The following CHST11 variants were observed in gnomAD, a reference collection of about 807,000 sequenced individuals.
The protein encoded by CHST11 is C4S-1.
CHST11 carries 9 observed loss-of-function variants against 30.4 expected under a neutral mutation model. The ratio of observed to expected loss-of-function variants is 0.30; its 90% CI spans 0.18 to 0.52. The LOEUF (loss-of-function observed/expected upper bound fraction) is 0.52, where lower values mean the gene tolerates loss of function less well. Among genes scored for constraint, CHST11 ranks in the 20% least tolerant of loss-of-function variants. The pLI, the probability that CHST11 is intolerant of heterozygous loss-of-function variation, is 0.97. For missense variants in CHST11, 348 were observed against 460.6 expected (o/e 0.76, Z 2.24); for synonymous variants, 152 against 187.8 (o/e 0.81, Z 1.56).
intron 2 of CHST11, among the ~76,000 whole-genome samples, chr12:104,655,414 C>T (rs1285249970): frequency 2.6e-5 from 4 of 152,242 alleles, no homozygotes; most frequent in Admixed American, 2.6e-4. Context: ...CACCACTGCT[C>T]TCACTCCCCC....
intron 2 of CHST11, among the ~76,000 whole-genome samples, chr12:104,657,559 G>A (rs1462591296): frequency 1.3e-5 from 2 of 151,880 alleles, no homozygotes; most frequent in East Asian, 1.9e-4. Flanking sequence ...GGCCAGCCCC[G>A]CTCCCATGTT....
At chr12:104,477,243 A>C (rs980532674) in intron 1 of CHST11, among the ~76,000 whole-genome samples, 2 of 152,160 alleles carry the variant, frequency 1.3e-5, no homozygotes, top group Admixed American at 1.3e-4. Flanking sequence ...CAGCCTGGCG[A>C]GGAGAACTGG....
At chr12:104,613,066 T>G (rs2039074487) in intron 2 of CHST11, among the ~76,000 whole-genome samples, 1 of 151,662 alleles carries the variant, frequency 6.6e-6, no homozygotes, top group Admixed American at 6.6e-5. Context: ...CTACAAAAAA[T>G]ATAATAAAAT....
intron 2 of CHST11, among the ~76,000 whole-genome samples, chr12:104,735,241 T>C (rs1346931959): frequency 1.3e-5 from 2 of 152,228 alleles, no homozygotes; most frequent in Non-Finnish European, 2.9e-5. Flanking sequence ...TGGGTTTCAG[T>C]TGCCTCATCT....
rs78798404 is a variant in CHST11, at chr12:104,703,284, G to A, written c.205-53665G>A. 3.3e-3 allele frequency among the ~76,000 whole-genome samples: 504 copies of A among 152,238 alleles called. 4 individuals carry two copies. The highest frequency in any genetic ancestry group is 0.021 in the Admixed American group (319 of 15,286). On this transcript the variant is annotated intron_variant, in intron 2 of 2. Coordinates refer to ENST00000303694, the MANE Select transcript of CHST11 (RefSeq NM_018413.6). ...CCTCTCGGACCCCAGACTTGTTCCC[G>A]CAGCTGCCTCCTGGCCATCTTTATT...
intron 1 of CHST11, among the ~76,000 whole-genome samples, chr12:104,579,162 G>C (rs117975146): frequency 6.6e-6 from 1 of 152,196 alleles, no homozygotes; most frequent in African/African-American, 2.4e-5. Flanking sequence ...TAAGCTTGGC[G>C]AGGGTTGGGT....
intron 1 of CHST11, among the ~76,000 whole-genome samples, chr12:104,598,184 G>A (rs550908985): frequency 1.8e-4 from 27 of 152,258 alleles, no homozygotes; most frequent in African/African-American, 5.8e-4. Context: ...CATAATTGCT[G>A]GTCCTTCCTT....
At chr12:104,499,803 C>T (rs1032917302) in intron 1 of CHST11, among the ~76,000 whole-genome samples, 5 of 152,224 alleles carry the variant, frequency 3.3e-5, no homozygotes, top group South Asian at 2.1e-4. Context: ...CCCCTCTGTT[C>T]TCTTGCTGTC....
intron 2 of CHST11, among the ~76,000 whole-genome samples, chr12:104,714,883 G>A (rs983900750): frequency 6.6e-6 from 1 of 152,148 alleles, no homozygotes; most frequent in African/African-American, 2.4e-5. Flanking sequence ...AGAGTACTCA[G>A]TTTCAAAGAC....
Position 104,757,414 on chromosome 12 carries a change from G to A in CHST11, c.670G>A (p.Ala224Thr), listed in dbSNP as rs148230565. Residue 224 changes from alanine (A) to threonine (T), a missense_variant, in exon 3 of 3, where the codon GCC becomes ACC. Transcript: ENST00000303694. This position sits in a 1 kb window ranked among gnomAD's most constrained non-coding sequence, Gnocchi z 6.5. ...TKIIKRQRKNATQEALRKGDD... is the reference protein window; with the variant it reads ...TKIIKRQRKNTTQEALRKGDD... ...GATCATCAAACGCCAGCGGAAGAAC[G>A]CCACCCAGGAGGCCCTGCGCAAAGG... is the stretch of plus-strand genomic sequence containing the variant. The A allele has an allele frequency of 2.5e-6, 4 of 1,613,938 alleles. No homozygotes were observed. Among genetic ancestry groups the A allele is most frequent in the Non-Finnish European group, 3.4e-6 (4 of 1,179,988 alleles).
chr12:104,636,606 C>G (rs1178544123), intron 2 of CHST11, among the ~76,000 whole-genome samples: 1 of 152,190 alleles, frequency 6.6e-6, no homozygotes, highest in Admixed American at 6.5e-5. Flanking sequence ...TATTGTCTAG[C>G]CTTTTAAGAG....
At chr12:104,643,422 C>T (rs564834726) in intron 2 of CHST11, among the ~76,000 whole-genome samples, 33 of 152,306 alleles carry the variant, frequency 2.2e-4, no homozygotes, top group East Asian at 5.8e-4. Flanking sequence ...GGGTTAGATA[C>T]GTCAGATGCA....
chr12:104,658,209 A>G (rs561000843), intron 2 of CHST11, among the ~76,000 whole-genome samples: 182 of 152,324 alleles, frequency 1.2e-3, no homozygotes, highest in African/African-American at 4.3e-3. Context: ...AGGCCGAGGG[A>G]CTTAAATAGC....
chr12:104,717,179 T>G (rs1011032662), intron 2 of CHST11, among the ~76,000 whole-genome samples: 1 of 152,232 alleles, frequency 6.6e-6, no homozygotes, highest in Non-Finnish European at 1.5e-5. Flanking sequence ...CCCCTTGCCA[T>G]GTAACATAAC....
chr12:104,601,363 A>G (rs896215617), intron 1 of CHST11, among the ~76,000 whole-genome samples: 5 of 152,186 alleles, frequency 3.3e-5, no homozygotes, highest in Non-Finnish European at 7.3e-5. Context: ...TTTCTGCTTC[A>G]TGCTGATATT....
At chr12:104,608,728 A>G (rs904987131) in intron 2 of CHST11, among the ~76,000 whole-genome samples, 1 of 152,178 alleles carries the variant, frequency 6.6e-6, no homozygotes, top group Non-Finnish European at 1.5e-5. Flanking sequence ...TGTTCACTCT[A>G]CGTAGTTTCT....
chr12:104,750,455 T>TTTTTTTTTTTTTTTTTTG (rs1566064739), intron 2 of CHST11, among the ~76,000 whole-genome samples: 1 of 117,468 alleles, frequency 8.5e-6, no homozygotes, highest in Non-Finnish European at 1.8e-5. Flanking sequence ...TTTTTTTTTT[T>TTTTTTTTTTTTTTTTTTG]TGTTGAGACT....
chr12:104,492,049 C>G (rs2037752831), intron 1 of CHST11, among the ~76,000 whole-genome samples: 1 of 152,180 alleles, frequency 6.6e-6, no homozygotes, highest in South Asian at 2.1e-4. Flanking sequence ...TTGGAGACAC[C>G]TCTTCTGACC....
intron 2 of CHST11, among the ~76,000 whole-genome samples, chr12:104,753,822 T>G (rs78184739): frequency 0.044 from 6,678 of 152,202 alleles, 222 homozygotes; most frequent in African/African-American, 0.089. Context: ...GAAGAAATAA[T>G]ACTGATTGCG....
Sources: gnomAD v4.1 joint callset for allele counts (sites outside exome capture counted in the v4.1 genomes callset) on GRCh38, gnomAD v4.1.1 for gene constraint, Gnocchi (gnomAD v3.1) non-coding constraint, MANE v1.5 for transcripts, NCBI Gene and HGNC (gene_info 2026-07-23, HGNC 2026-07-21) for gene names.